The following GNAQ variants were observed in gnomAD, a reference collection of about 807,000 sequenced individuals.
The protein encoded by GNAQ is G protein subunit alpha q, also known as guanine nucleotide-binding protein G(q) subunit alpha.
In GNAQ, 8 loss-of-function variants were observed where a neutral mutation model predicts 43.9. That is an observed-to-expected ratio of 0.18 (90% CI 0.11 to 0.33). The LOEUF is 0.33. GNAQ is among the 10% of genes least tolerant of loss of function. GNAQ has a pLI of 1.00. For missense variants in GNAQ, 158 were observed against 450.8 expected (o/e 0.35, Z 5.88); for synonymous variants, 155 against 170.7 (o/e 0.91, Z 0.71).
chr9:77,984,048 GCAA>G (rs1220100851), intron 1 of GNAQ, among the ~76,000 whole-genome samples: 5 of 24,726 alleles, frequency 2.0e-4, no homozygotes, highest in African/African-American at 1.0e-3. Context: ...ATTTTGGAGA[GCAA>G]AAAAAAAAAA....
chr9:77,805,412 C>CT lies in GNAQ; in HGVS notation c.477-7765dup, dbSNP rs1024927225. On this transcript the variant is annotated intron_variant, in intron 3 of 6. Coordinates refer to ENST00000286548, the MANE Select transcript of GNAQ (RefSeq NM_002072.5). ...TGTTCATAAGAAGCTTACTTTTTTT[C>CT]TTTTTTTTTTGAGATGGAGTCTCGC... Among the ~76,000 whole-genome samples, 147 of 148,626 alleles carry CT rather than the reference C, an allele frequency of 9.9e-4. 1 individual carries two copies. The highest frequency in any genetic ancestry group is 2.3e-3 in the Admixed American group (34 of 14,840).
intron 1 of GNAQ, among the ~76,000 whole-genome samples, chr9:77,993,743 T>C (rs1823536446): frequency 6.6e-6 from 1 of 152,044 alleles, no homozygotes; most frequent in African/African-American, 2.4e-5. Context: ...TATAATTTAT[T>C]ATAAAGGTAC....
chr9:77,851,726 A>T (rs551915595), intron 2 of GNAQ, among the ~76,000 whole-genome samples: 22 of 152,192 alleles, frequency 1.4e-4, no homozygotes, highest in South Asian at 8.3e-4. Flanking sequence ...TGCTGGTAGC[A>T]GCATGTCATG....
At chr9:77,870,557 G>A (rs1372068074) in intron 2 of GNAQ, among the ~76,000 whole-genome samples, 2 of 151,564 alleles carry the variant, frequency 1.3e-5, no homozygotes, top group East Asian at 2.0e-4. Flanking sequence ...CGATCTCCTG[G>A]TCTCGTGATC....
chr9:77,910,783 A>ACTAGGCATTAGTGTTTTGTGAATTAGG (rs1381395227), intron 2 of GNAQ, among the ~76,000 whole-genome samples: 1 of 152,236 alleles, frequency 6.6e-6, no homozygotes, highest in African/African-American at 2.4e-5. Context: ...TTCTCAAAAC[A>ACTAGGCATTAGTGTTTTGTGAATTAGG]CATTGTGAAC....
chr9:78,010,800 G>A (rs1009094870), intron 1 of GNAQ, among the ~76,000 whole-genome samples: 2 of 152,090 alleles, frequency 1.3e-5, no homozygotes, highest in African/African-American at 4.8e-5. Flanking sequence ...TCTTCTGCTT[G>A]TAAAAACAGT....
chr9:78,001,390 G>A (rs546801827), intron 1 of GNAQ, among the ~76,000 whole-genome samples: 101 of 151,670 alleles, frequency 6.7e-4, no homozygotes, highest in African/African-American at 2.1e-3. Flanking sequence ...GTGACAGAGC[G>A]ACACTCCATC....
intron 2 of GNAQ, among the ~76,000 whole-genome samples, chr9:77,909,456 G>A (rs1387782550): frequency 1.3e-5 from 2 of 152,084 alleles, no homozygotes; most frequent in Admixed American, 6.6e-5. Context: ...TTTTAAGGAC[G>A]TTTCACCACC....
chr9:77,912,475 A>C (rs576272804), intron 2 of GNAQ, among the ~76,000 whole-genome samples: 1 of 152,348 alleles, frequency 6.6e-6, no homozygotes, highest in South Asian at 2.1e-4. Flanking sequence ...CAAATTATCT[A>C]CATGACCTTA....
chr9:77,780,442 ATTT>A (rs34967331), intron 5 of GNAQ, among the ~76,000 whole-genome samples: 1 of 146,048 alleles, frequency 6.8e-6, no homozygotes, highest in African/African-American at 2.5e-5. Flanking sequence ...ATAGGATTTC[ATTT>A]TTTTTTTTTT....
chr9:77,770,396 A>C (rs1277105842), intron 5 of GNAQ, among the ~76,000 whole-genome samples: 6 of 152,186 alleles, frequency 3.9e-5, no homozygotes, highest in Non-Finnish European at 8.8e-5. Context: ...CCAAGACCCC[A>C]AAAAACACAA....
At chr9:77,799,144 T>C (rs183161248) in intron 3 of GNAQ, among the ~76,000 whole-genome samples, 69 of 152,314 alleles carry the variant, frequency 4.5e-4, no homozygotes, top group Admixed American at 1.4e-3. Context: ...AGTAACTGTG[T>C]TCTCCTTTGT....
At chr9:77,956,263 C>A (rs770717467) in intron 1 of GNAQ, among the ~76,000 whole-genome samples, 3 of 151,970 alleles carry the variant, frequency 2.0e-5, no homozygotes, top group African/African-American at 7.3e-5. Context: ...AAATTGAAGC[C>A]GAAATGTATA....
chr9:77,794,861 T>C (rs1826633349), intron 4 of GNAQ, among the ~76,000 whole-genome samples: 1 of 152,190 alleles, frequency 6.6e-6, no homozygotes, highest in African/African-American at 2.4e-5. Context: ...CATCCTTATC[T>C]GTGCCAAGCA....
intron 5 of GNAQ, among the ~76,000 whole-genome samples, chr9:77,778,491 G>C (rs952011342): frequency 7.9e-5 from 12 of 151,864 alleles, no homozygotes; most frequent in Admixed American, 3.3e-4. Context: ...AAAACCATAA[G>C]AGGCAGAAAG....
intron 5 of GNAQ, among the ~76,000 whole-genome samples, chr9:77,762,073 TG>T (rs1194043824): frequency 9.5e-4 from 94 of 98,516 alleles, no homozygotes; most frequent in Non-Finnish European, 1.5e-3. Flanking sequence ...GGGAGGGAGG[TG>T]GGGGGGTCAG....
chr9:77,975,309 A>G (rs375264551), intron 1 of GNAQ, among the ~76,000 whole-genome samples: 1 of 152,182 alleles, frequency 6.6e-6, no homozygotes, highest in African/African-American at 2.4e-5. Flanking sequence ...ACCACAGCCA[A>G]CTTTTACAGA....
chr9:77,824,475 CATAA>C (rs1284812387), intron 2 of GNAQ, among the ~76,000 whole-genome samples: 1 of 152,124 alleles, frequency 6.6e-6, no homozygotes, highest in Non-Finnish European at 1.5e-5. Context: ...AGATGAAACT[CATAA>C]ATAGATTATT....
intron 5 of GNAQ, among the ~76,000 whole-genome samples, chr9:77,769,747 CTCTGCCTCCTGGGT>C (rs918563484): frequency 8.6e-5 from 13 of 150,298 alleles, no homozygotes; most frequent in African/African-American, 3.2e-4. Context: ...TCACTGCAAG[CTCTGCCTCCTGGGT>C]TCATGCCATT....
Sources: allele counts gnomAD v4.1 joint callset (sites outside exome capture counted in the v4.1 genomes callset), GRCh38; gene constraint gnomAD v4.1.1; transcripts MANE v1.5; gene names NCBI Gene and HGNC (gene_info 2026-07-23, HGNC 2026-07-21).